Variants in COG6 observed in about 807,000 individuals in gnomAD.
The protein encoded by COG6 is component of oligomeric golgi complex 6.
COG6 carries 74 observed loss-of-function variants against 88.8 expected under a neutral mutation model. That is an observed-to-expected ratio of 0.83 (90% CI 0.69 to 1.01). The LOEUF (loss-of-function observed/expected upper bound fraction) is 1.01. Ranked by LOEUF, COG6 falls within the 50% of genes least tolerant of loss-of-function variation. The probability of loss-of-function intolerance (pLI) is 0.00; values close to 1 mark genes in which losing one functional copy is unlikely to be tolerated. For synonymous variants in COG6, 286 were observed against 278.7 expected (o/e 1.03, Z -0.26); for missense variants, 800 against 797.9 (o/e 1.00, Z -0.03).
chr13:39,692,395 G>T (rs1348814739), intron 11 of COG6, among the ~76,000 whole-genome samples: 1 of 151,908 alleles, frequency 6.6e-6, no homozygotes, highest in Non-Finnish European at 1.5e-5. Flanking sequence ...CTTTAGTGTA[G>T]TGTATGCTAC....
chr13:39,735,931 CGTTCTT>C (rs1879720643), intron 18 of COG6, among the ~76,000 whole-genome samples: 1 of 151,884 alleles, frequency 6.6e-6, no homozygotes, highest in African/African-American at 2.4e-5. Flanking sequence ...GCTGCTTTTA[CGTTCTT>C]TTTCTTTGGC....
chr13:39,746,393 T>C (rs1267288894), intron 18 of COG6, among the ~76,000 whole-genome samples: 1 of 152,158 alleles, frequency 6.6e-6, no homozygotes, highest in Non-Finnish European at 1.5e-5. Context: ...ATCAAGTGCA[T>C]GCCCATGCTA....
At chr13:39,725,719 T>C (rs1004192672) in intron 17 of COG6, among the ~76,000 whole-genome samples, 1 of 151,572 alleles carries the variant, frequency 6.6e-6, no homozygotes, top group South Asian at 2.1e-4. Flanking sequence ...TAGCAAAAAT[T>C]AGAAATGCAA....
chr13:39,761,143 A>G (rs1880997656), intron 18 of COG6, among the ~76,000 whole-genome samples: 1 of 152,026 alleles, frequency 6.6e-6, no homozygotes, highest in African/African-American at 2.4e-5. Context: ...AAATCACAGC[A>G]TGTCAAAATT....
chr13:39,759,959 G>A (rs760667625), intron 18 of COG6, among the ~76,000 whole-genome samples: 1 of 152,066 alleles, frequency 6.6e-6, no homozygotes, highest in Non-Finnish European at 1.5e-5. Context: ...ACATTATTGT[G>A]AATTTAACAG....
Position 39,660,858 on chromosome 13 carries a change from C to G in COG6, c.346C>G (p.Gln116Glu). The part of the protein sequence containing the change: ...EDVQAMSNCC[Q>E]DMTSRLQAAK... ...TGTTCAAGCAATGAGCAACTGTTGTCAAGATATGACAAGTCGCCTACAGGT... is the reference window on the plus strand; with the variant it reads ...TGTTCAAGCAATGAGCAACTGTTGTGAAGATATGACAAGTCGCCTACAGGT... Residue 116 changes from glutamine (Q) to glutamate (E), a missense_variant, in exon 3 of 19, where the codon CAA becomes GAA. Physicochemically the swap from Gln to Glu is conservative, Grantham distance 29. Transcript: ENST00000455146. 9.3e-6 allele frequency: 15 copies of G among 1,605,660 alleles called. No individual in the cohort carries two copies. The highest frequency in any genetic ancestry group is 1.1e-5 in the Non-Finnish European group (13 of 1,173,116).
At chr13:39,785,546 A>G (rs980124966) in intron 18 of COG6, 10 of 152,070 alleles carry the variant, frequency 6.6e-5, no homozygotes, top group African/African-American at 2.2e-4. Flanking sequence ...GTCTATGGTC[A>G]TTTTCTAGTT....
In COG6 at chr13:39,752,510, A is replaced by AT. The variant is rs1190089946; in HGVS notation, c.*1418dup. On this transcript the variant is annotated 3_prime_UTR_variant, in exon 19 of 19. Transcript: ENST00000455146. ...TATAAATCAAGAGCTTAAATTGTAT[A>AT]TAATTTATTTCTACAGAGAAAGAAG... is the stretch of plus-strand genomic sequence containing the variant. The AT allele has an allele frequency of 8.6e-7, 1 of 1,169,410 alleles. No homozygotes were observed. The highest frequency in any genetic ancestry group is 1.1e-6 in the Non-Finnish European group (1 of 895,526). The allele number at this position is 1,169,410 out of a possible 1,614,324, so 72.4% of individuals were successfully genotyped here. A position where few individuals can be genotyped will look rare whatever the true frequency, so the allele number is the denominator to read the frequency against.
In COG6 at chr13:39,656,390, C is replaced by T. The variant is rs1366703074; in HGVS notation, c.153+511C>T. On this transcript the variant is annotated intron_variant, in intron 1 of 18. Transcript: ENST00000455146. ...TGCAGCGCGAAAGAACTACCTTTGC[C>T]CGTGGCTGAAATGAACTCATATCTA... is the stretch of plus-strand genomic sequence containing the variant. 5 of 339,772 alleles carry T rather than the reference C, an allele frequency of 1.5e-5. No individual in the cohort carries two copies. The East Asian group carries it at 3.8e-4, about 26-fold the overall frequency. The allele number at this position is 339,772 out of a possible 1,614,324, so 21.0% of individuals were successfully genotyped here.
intron 1 of COG6, among the ~76,000 whole-genome samples, chr13:39,656,673 A>G (rs1261047102): frequency 6.6e-6 from 1 of 152,218 alleles, no homozygotes; most frequent in Non-Finnish European, 1.5e-5. Flanking sequence ...TAAGCTGTCG[A>G]TAACAATTTG....
chr13:39,675,203 A>G (rs896355542), intron 4 of COG6, among the ~76,000 whole-genome samples: 1 of 152,174 alleles, frequency 6.6e-6, no homozygotes, highest in Non-Finnish European at 1.5e-5. Flanking sequence ...TTACTTAGAC[A>G]TTGAAAGCCC....
intron 18 of COG6, among the ~76,000 whole-genome samples, chr13:39,787,479 A>G (rs1316900790): frequency 6.6e-6 from 1 of 152,182 alleles, no homozygotes; most frequent in Non-Finnish European, 1.5e-5. Flanking sequence ...CAGATTAACT[A>G]ATCTTGCCTG....
intron 18 of COG6, among the ~76,000 whole-genome samples, chr13:39,769,337 G>A (rs997038932): frequency 1.3e-5 from 2 of 152,142 alleles, no homozygotes; most frequent in Non-Finnish European, 2.9e-5. Context: ...ACTTTCTCCA[G>A]CCAGGCAGTT....
At chr13:39,678,177 T>A (rs1159184957) in intron 5 of COG6, 1 of 377,264 alleles carries the variant, frequency 2.7e-6, no homozygotes, top group Non-Finnish European at 5.1e-6. Context: ...AGTGATCCTC[T>A]CATCTCAGCC....
chr13:39,668,554 C>T (rs577436296), intron 4 of COG6, among the ~76,000 whole-genome samples: 12 of 152,134 alleles, frequency 7.9e-5, no homozygotes, highest in Middle Eastern at 3.4e-3. Flanking sequence ...TTTGGGAGGC[C>T]GAGGTGGGCG....
At chr13:39,715,184 G>T (rs571469605) in intron 13 of COG6, among the ~76,000 whole-genome samples, 1 of 151,642 alleles carries the variant, frequency 6.6e-6, no homozygotes, top group South Asian at 2.1e-4. Context: ...GAAACCACTT[G>T]TACACCAAAA....
intron 13 of COG6, among the ~76,000 whole-genome samples, chr13:39,711,587 T>G (rs1051336288): frequency 5.3e-5 from 8 of 152,216 alleles, no homozygotes; most frequent in African/African-American, 1.4e-4. Context: ...TTTGATATTA[T>G]TCCTTCCTCC....
intron 13 of COG6, among the ~76,000 whole-genome samples, chr13:39,712,138 G>T (rs1008656365): frequency 6.6e-6 from 1 of 152,144 alleles, no homozygotes; most frequent in Non-Finnish European, 1.5e-5. Context: ...GACTACAGGC[G>T]TGAGTCACCA....
At chr13:39,673,708 A>G (rs1024723970) in intron 4 of COG6, among the ~76,000 whole-genome samples, 16 of 152,096 alleles carry the variant, frequency 1.1e-4, no homozygotes, top group Admixed American at 1.0e-3. Context: ...AATCTATTGT[A>G]TAAAATTTAA....
Sources: allele counts gnomAD v4.1 joint callset (sites outside exome capture counted in the v4.1 genomes callset), GRCh38; gene constraint gnomAD v4.1.1; transcripts MANE v1.5; gene names NCBI Gene and HGNC (gene_info 2026-07-23, HGNC 2026-07-21).